Variants in CCSER1 observed in about 807,000 individuals in gnomAD.
CCSER1 encodes serine-rich coiled-coil domain-containing protein 1.
CCSER1 carries 41 observed loss-of-function variants against 82.0 expected under a neutral mutation model. The observed-to-expected ratio is 0.50, with a 90% CI of 0.39 to 0.65. The LOEUF (loss-of-function observed/expected upper bound fraction) is 0.65. CCSER1 is among the 30% of genes least tolerant of loss of function. The pLI, the probability that CCSER1 is intolerant of heterozygous loss-of-function variation, is 0.00. For missense variants in CCSER1, 1,119 were observed against 1,064.2 expected, an observed-to-expected ratio of 1.05 and a Z score of -0.72; for synonymous variants, 414 against 383.9, an observed-to-expected ratio of 1.08 and a Z score of -0.92.
At chr4:90,962,142 A>T (rs984546548) in intron 9 of CCSER1, among the ~76,000 whole-genome samples, 1 of 152,110 alleles carries the variant, frequency 6.6e-6, no homozygotes. Flanking sequence ...ATACATGTTA[A>T]TAGTGGATCC....
intron 6 of CCSER1, among the ~76,000 whole-genome samples, chr4:90,698,659 G>A (rs538289262): frequency 5.2e-4 from 79 of 152,190 alleles, no homozygotes; most frequent in Middle Eastern, 3.2e-3. Flanking sequence ...TTTGGGACAT[G>A]TTGGCAGGAA....
chr4:90,700,680 T>A (rs111366737), intron 6 of CCSER1, among the ~76,000 whole-genome samples: 9,275 of 152,230 alleles, frequency 0.061, 706 homozygotes, highest in African/African-American at 0.18. Flanking sequence ...TGATTGCCAT[T>A]CTAACTGGTG....
At chr4:90,959,156 G>A (rs1293616628) in intron 9 of CCSER1, among the ~76,000 whole-genome samples, 2 of 152,042 alleles carry the variant, frequency 1.3e-5, no homozygotes, top group African/African-American at 4.8e-5. Flanking sequence ...TTTCTATAAG[G>A]GAACATCTGC....
intron 7 of CCSER1, among the ~76,000 whole-genome samples, chr4:90,811,230 C>G (rs1758246201): frequency 6.6e-6 from 1 of 152,078 alleles, no homozygotes; most frequent in Non-Finnish European, 1.5e-5. Flanking sequence ...CAGAAATTTG[C>G]ATGTGTAAAG....
chr4:91,358,384 G>T (rs1749003201), intron 10 of CCSER1, among the ~76,000 whole-genome samples: 1 of 120,638 alleles, frequency 8.3e-6, no homozygotes, highest in African/African-American at 3.3e-5. Context: ...CTTTGTGCCT[G>T]ACCCACGTTG....
intron 5 of CCSER1, among the ~76,000 whole-genome samples, chr4:90,504,714 A>C (rs1318775970): frequency 6.6e-6 from 1 of 152,192 alleles, no homozygotes; most frequent in Admixed American, 6.5e-5. Context: ...AATGGTAAAA[A>C]TGTGTAAATT....
At chr4:90,467,546 G>A (rs1282130064) in intron 4 of CCSER1, among the ~76,000 whole-genome samples, 13 of 150,348 alleles carry the variant, frequency 8.6e-5, no homozygotes, top group Admixed American at 8.6e-4. Context: ...TAGCTGACAC[G>A]GTGGCGGGCG....
chr4:91,373,142 C>CT (rs200009138), intron 10 of CCSER1, among the ~76,000 whole-genome samples: 290 of 145,032 alleles, frequency 2.0e-3, no homozygotes, highest in East Asian at 6.2e-3. Flanking sequence ...TTTAAACATA[C>CT]TTTTTTTTTT....
chr4:91,395,615 G>T lies in CCSER1; in HGVS notation c.2218-202957G>T, dbSNP rs375107046. ...TACTTAATTTGTCCTAAATCACTGA[G>T]ATTAGAAAGTTTATCCAGGTTTCTA... On this transcript the variant is annotated intron_variant, in intron 10 of 10. Coordinates refer to ENST00000509176, the MANE Select transcript of CCSER1 (RefSeq NM_001145065.2). 1.4e-4 allele frequency among the ~76,000 whole-genome samples: 22 copies of T among 152,134 alleles called. No homozygotes were observed. In the East Asian group the frequency reaches 2.1e-3, roughly 15 times the overall value.
chr4:90,776,550 G>A (rs1048996884), intron 7 of CCSER1, among the ~76,000 whole-genome samples: 2 of 152,118 alleles, frequency 1.3e-5, no homozygotes, highest in Non-Finnish European at 1.5e-5. Context: ...TTTGGTAATA[G>A]ACTTTAATGT....
intron 10 of CCSER1, among the ~76,000 whole-genome samples, chr4:91,180,310 T>G (rs978857339): frequency 6.6e-6 from 1 of 152,236 alleles, no homozygotes. Flanking sequence ...GACTCTGTGC[T>G]AGGAGAACCA....
At chr4:90,326,235 T>G (rs1738173170) in intron 3 of CCSER1, among the ~76,000 whole-genome samples, 1 of 152,018 alleles carries the variant, frequency 6.6e-6, no homozygotes, top group Non-Finnish European at 1.5e-5. Flanking sequence ...ATTTTTTTTG[T>G]ATTTTTAGTA....
intron 6 of CCSER1, among the ~76,000 whole-genome samples, chr4:90,717,745 TATATATATATACACAC>T (rs1741894030): frequency 2.1e-5 from 2 of 96,638 alleles, no homozygotes; most frequent in African/African-American, 8.0e-5. Context: ...TATATACACA[TATATATATATACACAC>T]ATATATAGTG....
intron 10 of CCSER1, among the ~76,000 whole-genome samples, chr4:91,425,037 T>C (rs915060469): frequency 9.2e-5 from 14 of 152,106 alleles, no homozygotes; most frequent in Admixed American, 5.9e-4. Flanking sequence ...TATAAAACTA[T>C]CCTATGAATA....
rs80020274 is a variant in CCSER1, at chr4:90,514,030, A to C, written c.1724+45676A>C. On this transcript the variant is annotated intron_variant, in intron 5 of 10. Transcript: ENST00000509176. ...AATCGTGGGAGAAGCTGTGACTTCA[A>C]GCAGGAGCCAGATTTCAGCTAGAGC... Among the ~76,000 whole-genome samples the C allele has an allele frequency of 7.1e-3, 1,089 of 152,322 alleles. 16 individuals carry two copies. Among genetic ancestry groups the C allele is most frequent in the African/African-American group, 0.023 (936 of 41,566 alleles).
chr4:91,479,997 G>GT, intron 10 of CCSER1, among the ~76,000 whole-genome samples: 1 of 138,060 alleles, frequency 7.2e-6, no homozygotes, highest in South Asian at 2.5e-4. Flanking sequence ...GCAGTGTTTG[G>GT]TTTTTTGTTC....
chr4:90,718,724 A>G, intron 6 of CCSER1, among the ~76,000 whole-genome samples: 1 of 152,280 alleles, frequency 6.6e-6, no homozygotes, highest in East Asian at 1.9e-4. Context: ...GTAAATAACT[A>G]TTATGTATTA....
At chr4:90,491,181 C>T (rs925836238) in intron 5 of CCSER1, among the ~76,000 whole-genome samples, 2 of 151,546 alleles carry the variant, frequency 1.3e-5, no homozygotes, top group South Asian at 2.1e-4. Context: ...TTTTTTGTGT[C>T]GTCTTGTTTC....
chr4:91,210,916 CTAAG>C (rs1440067457), intron 10 of CCSER1, among the ~76,000 whole-genome samples: 1 of 151,998 alleles, frequency 6.6e-6, no homozygotes, highest in Non-Finnish European at 1.5e-5. Flanking sequence ...GAAATACACA[CTAAG>C]TATTCGGGTG....
Sources: allele counts gnomAD v4.1 joint callset (sites outside exome capture counted in the v4.1 genomes callset), GRCh38; gene constraint gnomAD v4.1.1; transcripts MANE v1.5; gene names NCBI Gene and HGNC (gene_info 2026-07-23, HGNC 2026-07-21).